The following ZC2HC1B variants were observed in gnomAD, a reference collection of about 807,000 sequenced individuals.
The protein encoded by ZC2HC1B is zinc finger C2HC-type containing 1B.
In ZC2HC1B, 36 loss-of-function variants were observed where a neutral mutation model predicts 31.0. The ratio of observed to expected loss-of-function variants is 1.16; its 90% CI spans 0.89 to 1.54. The LOEUF (loss-of-function observed/expected upper bound fraction) is 1.54, where lower values mean the gene tolerates loss of function less well. Ranked by LOEUF, ZC2HC1B falls within the 40% of genes most tolerant of loss-of-function variation. The probability of loss-of-function intolerance (pLI) is 0.00; values close to 1 mark genes in which losing one functional copy is unlikely to be tolerated. For missense variants in ZC2HC1B, 260 were observed against 268.6 expected (o/e 0.97, Z 0.22); for synonymous variants, 73 against 88.0 (o/e 0.83, Z 0.95).
In ZC2HC1B at chr6:143,903,120, T is replaced by C. The variant is rs1777755634; in HGVS notation, c.566T>C (p.Leu189Pro). The C allele has an allele frequency of 6.4e-7, 1 of 1,552,152 alleles. No individual in the cohort carries two copies. Among genetic ancestry groups the C allele is most frequent in the African/African-American group, 1.4e-5 (1 of 73,180 alleles). Residue 189 changes from leucine to proline, a missense_variant, in exon 6 of 8, where the codon CTG becomes CCG. Physicochemically the swap from Leu to Pro is moderately conservative, Grantham distance 98. Transcript: ENST00000237275. This position sits in a 1 kb window ranked among gnomAD's most constrained non-coding sequence, Gnocchi z 4.3. ...GGAGCTTTGCTGCAGAACAGGGTCC[T>C]GGTGGCCACGAATGAAGTCCCAACC... ...AVGALLQNRVLVATNEVPTKS... is the reference protein window; with the variant it reads ...AVGALLQNRVPVATNEVPTKS...
chr6:143,928,459 CTGT>C, intron 6 of ZC2HC1B, among the ~76,000 whole-genome samples: 1 of 152,044 alleles, frequency 6.6e-6, no homozygotes, highest in Non-Finnish European at 1.5e-5. Flanking sequence ...CTATTCTGTT[CTGT>C]TGATCTATAT....
chr6:143,924,436 A>T lies in ZC2HC1B; in HGVS notation c.599-13213A>T, dbSNP rs577394274. Among the ~76,000 whole-genome samples the T allele has an allele frequency of 3.9e-5, 6 of 152,042 alleles. No homozygotes were observed. In the East Asian group the frequency reaches 7.7e-4, roughly 20 times the overall value. On this transcript the variant is annotated intron_variant, in intron 6 of 7. Transcript: ENST00000237275. This position sits in a 1 kb window ranked among gnomAD's most constrained non-coding sequence, Gnocchi z 5.2. ...ATATCCATGTTATCTACAAAGAGGG[A>T]CAGTTTGACTTCCTCTATTCCAATT...
intron 6 of ZC2HC1B, among the ~76,000 whole-genome samples, chr6:143,932,996 T>A (rs558650424): frequency 6.6e-6 from 1 of 152,210 alleles, no homozygotes; most frequent in Non-Finnish European, 1.5e-5. Flanking sequence ...ATGCAATTTG[T>A]CTTCGGGTCT....
intron 6 of ZC2HC1B, among the ~76,000 whole-genome samples, chr6:143,930,770 G>C (rs1008265441): frequency 6.6e-6 from 1 of 152,166 alleles, no homozygotes; most frequent in East Asian, 1.9e-4. Context: ...AAAATGTACT[G>C]AGGCTTATTT....
rs908816464 is a variant in ZC2HC1B, at chr6:143,925,752, T to G, written c.599-11897T>G. ...TGGGGTTTCTCCATGTTGGTCAGGCTGGTCTCGAACTCCTGACCTCAGGAA... is the reference window on the plus strand; with the variant it reads ...TGGGGTTTCTCCATGTTGGTCAGGCGGGTCTCGAACTCCTGACCTCAGGAA... On this transcript the variant is annotated intron_variant, in intron 6 of 7. Coordinates refer to ENST00000237275, the MANE Select transcript of ZC2HC1B (RefSeq NM_001013623.3). Among the ~76,000 whole-genome samples the G allele has an allele frequency of 2.0e-5, 3 of 152,056 alleles. No homozygotes were observed. In the South Asian group the frequency reaches 6.2e-4, roughly 32 times the overall value.
At chr6:143,896,118 G>C (rs781590996) in intron 4 of ZC2HC1B, among the ~76,000 whole-genome samples, 8 of 152,190 alleles carry the variant, frequency 5.3e-5, no homozygotes, top group Non-Finnish European at 1.2e-4. Context: ...GGGGCCTTAT[G>C]TTCCTTCTGT....
rs1777494568 is a variant in ZC2HC1B at position 143,883,533 on chromosome 6, A to G, written c.29-771A>G. On this transcript the variant is annotated intron_variant, in intron 1 of 7. Transcript: ENST00000237275. The surrounding 1 kb of genome is among the most constrained non-coding windows in gnomAD (Gnocchi z 4.1). Reference sequence around the variant, plus strand: ...ATATAAAGTCTATGCTCAGACCTCAAACTGCTTTTTTTATTAACCTAAGAC... The same window carrying G: ...ATATAAAGTCTATGCTCAGACCTCAGACTGCTTTTTTTATTAACCTAAGAC... 6.6e-6 allele frequency among the ~76,000 whole-genome samples: 1 copy of G among 151,434 alleles called. No homozygotes were observed. The highest frequency in any genetic ancestry group is 1.5e-5 in the Non-Finnish European group (1 of 68,024).
chr6:143,886,249 G>GTTACATTACAT lies in ZC2HC1B; in HGVS notation c.210+99_210+100insTACATTACATT. 3 of 1,249,112 alleles carry GTTACATTACAT rather than the reference G, an allele frequency of 2.4e-6. No individual in the cohort carries two copies. Among genetic ancestry groups the GTTACATTACAT allele is most frequent in the Non-Finnish European group, 3.1e-6 (3 of 971,066 alleles). The allele number at this position is 1,249,112 out of a possible 1,614,324, so 77.4% of individuals were successfully genotyped here. On this transcript the variant is annotated intron_variant, in intron 3 of 7. Coordinates refer to ENST00000237275, the MANE Select transcript of ZC2HC1B (RefSeq NM_001013623.3). This position sits in a 1 kb window ranked among gnomAD's most constrained non-coding sequence, Gnocchi z 4.2. ...GGTTTCATTTTTGCTTGATAATACAGTAATGTAATGTAACTGTAATCCACC... is the reference window on the plus strand; with the variant it reads ...GGTTTCATTTTTGCTTGATAATACAGTTACATTACATTAATGTAATGTAACTGTAATCCACC...
Position 143,886,294 on chromosome 6 carries a change from T to A in ZC2HC1B, c.210+143T>A, listed in dbSNP as rs879755941. On this transcript the variant is annotated intron_variant, in intron 3 of 7. Coordinates refer to ENST00000237275, the MANE Select transcript of ZC2HC1B (RefSeq NM_001013623.3). The surrounding 1 kb of genome is among the most constrained non-coding windows in gnomAD (Gnocchi z 4.2). The stretch of plus-strand genomic sequence containing the variant: ...TCCACCTTTACTTTTTTCTTTATAA[T>A]CTTGCTCACTTAGATTTCCAGATAT... The A allele has an allele frequency of 3.0e-6, 3 of 1,004,980 alleles. No homozygotes were observed. The highest frequency in any genetic ancestry group is 1.7e-5 in the African/African-American group (1 of 59,308). 62.3% of individuals were successfully genotyped at this position (1,004,980 alleles called of 1,614,324 possible). A position where few individuals can be genotyped will look rare whatever the true frequency, so the allele number is the denominator to read the frequency against.
rs1582972483 is a variant in ZC2HC1B, at chr6:143,918,523, A to G, written c.598+15371A>G. Among the ~76,000 whole-genome samples, 1 of 152,060 alleles carries G rather than the reference A, an allele frequency of 6.6e-6. No individual in the cohort carries two copies. Among genetic ancestry groups the G allele is most frequent in the East Asian group, 1.9e-4 (1 of 5,186 alleles). On this transcript the variant is annotated intron_variant, in intron 6 of 7. Coordinates refer to ENST00000237275, the MANE Select transcript of ZC2HC1B (RefSeq NM_001013623.3). This position sits in a 1 kb window ranked among gnomAD's most constrained non-coding sequence, Gnocchi z 4.1. ...TTTTTCTTTTGAAAGTTTGATTATA[A>G]TGTGTCTCAGTGTTGGTCTCTTTGA...
At chr6:143,867,476 G>A (rs1251117564) in intron 1 of ZC2HC1B, among the ~76,000 whole-genome samples, 1 of 152,188 alleles carries the variant, frequency 6.6e-6, no homozygotes, top group Non-Finnish European at 1.5e-5. Context: ...TAGGGAACAA[G>A]TCACAGTTTA....
chr6:143,890,697 A>G (rs1777590363), intron 4 of ZC2HC1B, among the ~76,000 whole-genome samples: 1 of 152,236 alleles, frequency 6.6e-6, no homozygotes, highest in South Asian at 2.1e-4. Context: ...AGACAACATA[A>G]TTGTGAATGA....
In ZC2HC1B at chr6:143,884,130, G is replaced by A. The variant is rs530063079; in HGVS notation, c.29-174G>A. On this transcript the variant is annotated intron_variant, in intron 1 of 7. Coordinates refer to ENST00000237275, the MANE Select transcript of ZC2HC1B (RefSeq NM_001013623.3). This position sits in a 1 kb window ranked among gnomAD's most constrained non-coding sequence, Gnocchi z 5.1. Reference sequence around the variant, plus strand: ...AAGTGAGGAGTTTATATCAGGAAAGGAAAACACAGGTGAGTTTAGTTTACA... The same window carrying A: ...AAGTGAGGAGTTTATATCAGGAAAGAAAAACACAGGTGAGTTTAGTTTACA... 5.3e-5 allele frequency among the ~76,000 whole-genome samples: 8 copies of A among 152,316 alleles called. 1 individual carries two copies. The highest frequency in any genetic ancestry group is 1.4e-4 in the African/African-American group (6 of 41,560).
At chr6:143,925,352 T>C (rs1330689394) in intron 6 of ZC2HC1B, among the ~76,000 whole-genome samples, 1 of 151,054 alleles carries the variant, frequency 6.6e-6, no homozygotes, top group Non-Finnish European at 1.5e-5. Context: ...ATTTTTTGTA[T>C]TTTTAGTAGA....
intron 1 of ZC2HC1B, among the ~76,000 whole-genome samples, chr6:143,874,415 C>T (rs992411405): frequency 1.6e-4 from 24 of 152,256 alleles, no homozygotes; most frequent in Admixed American, 7.8e-4. Flanking sequence ...TCCACATTTT[C>T]GGGTATCTTT....
Position 143,884,356 on chromosome 6 carries a change from A to G in ZC2HC1B, c.81A>G (p.Ala27=), listed in dbSNP as rs760725852. The change falls in exon 2 of 8, where the codon GCA becomes GCG. Residue 27 remains alanine, a synonymous_variant. Coordinates refer to ENST00000237275, the MANE Select transcript of ZC2HC1B (RefSeq NM_001013623.3). This position sits in a 1 kb window ranked among gnomAD's most constrained non-coding sequence, Gnocchi z 5.1. The part of the protein sequence containing the change: ...PCEVCGRRFA[A]DVLERHGPIC... Reference sequence around the variant, plus strand: ...AAGTCTGTGGAAGACGTTTTGCAGCAGATGTTCTGGTAAACATAAAGACAT... The same window carrying G: ...AAGTCTGTGGAAGACGTTTTGCAGCGGATGTTCTGGTAAACATAAAGACAT... 2 of 1,539,152 alleles carry G rather than the reference A, an allele frequency of 1.3e-6. No homozygotes were observed. The highest frequency in any genetic ancestry group is 2.5e-5 in the East Asian group (1 of 40,712).
chr6:143,891,917 C>T (rs1192186613), intron 4 of ZC2HC1B, among the ~76,000 whole-genome samples: 1 of 152,086 alleles, frequency 6.6e-6, no homozygotes, highest in Non-Finnish European at 1.5e-5. Context: ...TAGATATAGA[C>T]ACCCCCCTAT....
rs1777490994 is a variant in ZC2HC1B at position 143,883,268 on chromosome 6, G to A, written c.29-1036G>A. ...TGCCCAAGCTGGTCTCGAATCCTTA[G>A]GCTCAAGCAATCCTCCTGCTTCAGC... is the stretch of plus-strand genomic sequence containing the variant. On this transcript the variant is annotated intron_variant, in intron 1 of 7. Transcript: ENST00000237275. The surrounding 1 kb of genome is among the most constrained non-coding windows in gnomAD (Gnocchi z 4.1). 6.6e-6 allele frequency among the ~76,000 whole-genome samples: 1 copy of A among 152,106 alleles called. No individual in the cohort carries two copies. Among genetic ancestry groups the A allele is most frequent in the South Asian group, 2.1e-4 (1 of 4,824 alleles).
At chr6:143,874,154 C>T (rs528416224) in intron 1 of ZC2HC1B, among the ~76,000 whole-genome samples, 26 of 152,220 alleles carry the variant, frequency 1.7e-4, no homozygotes, top group East Asian at 5.8e-4. Context: ...ATCTCTAGGG[C>T]GGGGCGAAAT....
Sources: gnomAD v4.1 joint callset for allele counts (sites outside exome capture counted in the v4.1 genomes callset) on GRCh38, gnomAD v4.1.1 for gene constraint, Gnocchi (gnomAD v3.1) non-coding constraint, MANE v1.5 for transcripts, NCBI Gene and HGNC (gene_info 2026-07-23, HGNC 2026-07-21) for gene names.